The following USP39 variants were observed in gnomAD, a reference collection of about 807,000 sequenced individuals.
The protein encoded by USP39 is ubiquitin carboxyl-terminal hydrolase 39.
In USP39, 38 loss-of-function variants were observed where a neutral mutation model predicts 66.4. The observed-to-expected ratio is 0.57, with a 90% CI of 0.44 to 0.75. The LOEUF is 0.75. USP39 is among the 30% of genes least tolerant of loss of function. The pLI is 0.00. For synonymous variants in USP39, 303 were observed against 274.6 expected, an observed-to-expected ratio of 1.10 and a Z score of -1.02; for missense variants, 608 against 714.4, an observed-to-expected ratio of 0.85 and a Z score of 1.70.
chr2:85,609,150 A>G, upstream of USP39: 1 of 1,549,904 alleles, frequency 6.5e-7, no homozygotes, highest in East Asian at 2.3e-5. Context: ...ACTCTCACAG[A>G]ACTCCATTTA....
chr2:85,631,446 C>G (rs1675327045), intron 6 of USP39, among the ~76,000 whole-genome samples: 1 of 150,408 alleles, frequency 6.6e-6, no homozygotes, highest in African/African-American at 2.4e-5. Context: ...CTTCAAGTAG[C>G]TATGATTACA....
At chr2:85,623,854 C>T (rs1451900543) in intron 4 of USP39, 72 bp downstream of exon 4, 2 of 1,484,912 alleles carry the variant, frequency 1.3e-6, no homozygotes, top group Non-Finnish European at 1.8e-6. Flanking sequence ...GGGGACTGCC[C>T]CACCTGAGGA....
chr2:85,609,723 C>T, upstream of USP39: 1 of 1,202,428 alleles, frequency 8.3e-7, no homozygotes, highest in Non-Finnish European at 1.1e-6. Context: ...ACTCTGTCGC[C>T]CAGGCTGGAG....
At chr2:85,629,073 G>GT (rs1168095552) in intron 5 of USP39, among the ~76,000 whole-genome samples, 1 of 151,614 alleles carries the variant, frequency 6.6e-6, no homozygotes, top group Admixed American at 6.6e-5. Flanking sequence ...GTTTTGTTTT[G>GT]TTTTTTTGAG....
At chr2:85,603,382 C>T (rs188453781) in intron 1 of USP39, among the ~76,000 whole-genome samples, 15 of 152,306 alleles carry the variant, frequency 9.8e-5, no homozygotes, top group Admixed American at 3.9e-4. Flanking sequence ...AGAGGACATC[C>T]ATTCTAAATA....
At chr2:85,611,605 A>T, upstream of USP39, 1 of 1,555,826 alleles carries the variant, frequency 6.4e-7, no homozygotes, top group Non-Finnish European at 8.7e-7. Flanking sequence ...TTCCCTATAG[A>T]GAAGGGGAGT....
At position 85,641,008 on chromosome 2, in the gene USP39, G is replaced by C; in HGVS notation, c.1317G>C (p.Lys439Asn). The change falls in exon 10 of 13, where the codon AAG (lysine) becomes AAC (asparagine). Residue 439 changes from lysine to asparagine, a missense_variant. Lys to Asn is a moderately conservative substitution (Grantham distance 94). Around this residue, in one of 6 missense-constraint regions of USP39, gnomAD observed 164 missense variants for 250.3 expected, o/e 0.66. Coordinates refer to ENST00000323701, the MANE Select transcript of USP39 (RefSeq NM_006590.4). ...AGACTTACAAGGAGAACTTTCTGAA[G>C]CGCTTCCAGCTTACCAAGTTGCCTC... Reference protein sequence around the residue: ...EYKTYKENFLKRFQLTKLPPY... With the variant: ...EYKTYKENFLNRFQLTKLPPY... 1 of 1,612,280 alleles carries C rather than the reference G, an allele frequency of 6.2e-7. No individual in the cohort carries two copies. The highest frequency in any genetic ancestry group is 8.5e-7 in the Non-Finnish European group (1 of 1,179,610).
chr2:85,603,349 T>C (rs894736328), intron 1 of USP39, among the ~76,000 whole-genome samples: 8 of 152,218 alleles, frequency 5.3e-5, no homozygotes, highest in African/African-American at 1.7e-4. Context: ...TCAACACTTA[T>C]TTGAAATAAG....
chr2:85,636,727 A>G (rs1200159460), intron 7 of USP39, among the ~76,000 whole-genome samples: 1 of 152,082 alleles, frequency 6.6e-6, no homozygotes, highest in East Asian at 1.9e-4. Flanking sequence ...GCTGGTCTCA[A>G]ACTCCTGACC....
At chr2:85,648,679 G>A in intron 12 of USP39, 82 bp from the exon 13 acceptor site, 1 of 1,511,216 alleles carries the variant, frequency 6.6e-7, no homozygotes, top group Middle Eastern at 1.7e-4. Context: ...GTTGTCCATG[G>A]CCTGGCACAG....
intron 6 of USP39, among the ~76,000 whole-genome samples, chr2:85,635,079 G>T (rs1675656129): frequency 6.6e-6 from 1 of 152,172 alleles, no homozygotes; most frequent in Non-Finnish European, 1.5e-5. Context: ...AGTGTTTCTT[G>T]CTGTGGTAGT....
intron 1 of USP39, among the ~76,000 whole-genome samples, chr2:85,617,958 CTTT>C (rs34086230): frequency 6.9e-6 from 1 of 144,442 alleles, no homozygotes; most frequent in African/African-American, 2.6e-5. Context: ...CATGTACATT[CTTT>C]TTTTTTTTTT....
chr2:85,613,068 A>G (rs1409950327), upstream of USP39, among the ~76,000 whole-genome samples: 1 of 152,034 alleles, frequency 6.6e-6, no homozygotes, highest in African/African-American at 2.4e-5. Context: ...TGATTAGGAC[A>G]GGGACAAACG....
chr2:85,640,645 T>C (rs1676163925), intron 9 of USP39, among the ~76,000 whole-genome samples: 1 of 150,058 alleles, frequency 6.7e-6, no homozygotes, highest in African/African-American at 2.4e-5. Context: ...TTTTTCTTTT[T>C]CCTTTTTAGT....
rs1315465908 is a variant in USP39, at chr2:85,644,973, T to C, written c.1453T>C (p.Ser485Pro). The change falls in exon 11 of 13, where the codon TCT (serine) becomes CCT (proline). Residue 485 changes from serine to proline, a missense_variant. Ser to Pro is a moderately conservative substitution (Grantham distance 74, BLOSUM62 -1). Around this residue, in one of 6 missense-constraint regions of USP39, gnomAD observed 164 missense variants for 250.3 expected, o/e 0.66. Transcript: ENST00000323701. ...AAATGTGGATCTGAGAGAATACTTG[T>C]CTGAAGAAGTACAAGCAGTACACAA... ...ITNVDLREYL[S>P]EEVQAVHKNT... 6.2e-7 allele frequency: 1 copy of C among 1,614,142 alleles called. No individual in the cohort carries two copies. Among genetic ancestry groups the C allele is most frequent in the South Asian group, 1.1e-5 (1 of 91,078 alleles).
intron 1 of USP39, among the ~76,000 whole-genome samples, chr2:85,617,005 C>G (rs1674035775): frequency 6.6e-6 from 1 of 151,754 alleles, no homozygotes; most frequent in African/African-American, 2.4e-5. Flanking sequence ...TATGGTATTT[C>G]TAACTGCAAA....
At chr2:85,608,993 G>A, upstream of USP39, 1 of 1,614,256 alleles carries the variant, frequency 6.2e-7, no homozygotes, top group Non-Finnish European at 8.5e-7. Context: ...TACGCAACTT[G>A]AGGGCTTCTC....
chr2:85,612,188 C>T (rs560456073), upstream of USP39: 45 of 1,001,302 alleles, frequency 4.5e-5, no homozygotes, highest in East Asian at 5.5e-4. Context: ...GCTTGACTTC[C>T]ACCCCCCGGA....
chr2:85,619,266 C>T lies in USP39; in HGVS notation c.315C>T (p.Cys105=). 1 of 1,613,796 alleles carries T rather than the reference C, an allele frequency of 6.2e-7. No individual in the cohort carries two copies. The highest frequency in any genetic ancestry group is 8.5e-7 in the Non-Finnish European group (1 of 1,179,928). ...VDSEDRRSRH[C]PYLDTINRSV... ...CTGAGGACCGGAGGAGCCGCCACTG[C>T]CCGTACCTGGACACCATTAACAGGT... Residue 105 remains cysteine, a synonymous_variant, in exon 2 of 13, where the codon TGC becomes TGT. Transcript: ENST00000323701.
Sources: gnomAD v4.1 joint callset for allele counts (sites outside exome capture counted in the v4.1 genomes callset) on GRCh38, gnomAD v4.1.1 for gene constraint, gnomAD v4.1.1 regional missense constraint, MANE v1.5 for transcripts, NCBI Gene and HGNC (gene_info 2026-07-23, HGNC 2026-07-21) for gene names.